RAB3C: variants seen among roughly 807,000 people sequenced by gnomAD.
RAB3C encodes ras-related protein Rab-3C.
A neutral mutation model predicts 26.4 loss-of-function variants in RAB3C; 17 were observed. The ratio of observed to expected loss-of-function variants is 0.64; its 90% CI spans 0.44 to 0.97. The LOEUF is 0.97. Among genes scored for constraint, RAB3C ranks in the 50% least tolerant of loss-of-function variants. The probability of loss-of-function intolerance (pLI) is 0.00; values close to 1 mark genes in which losing one functional copy is unlikely to be tolerated. For synonymous variants in RAB3C, 91 were observed against 95.9 expected (o/e 0.95, Z 0.30); for missense variants, 242 against 281.9 (o/e 0.86, Z 1.01).
chr5:58,743,726 C>T (rs941588474), intron 3 of RAB3C, among the ~76,000 whole-genome samples: 1 of 152,112 alleles, frequency 6.6e-6, no homozygotes, highest in African/African-American at 2.4e-5. Context: ...ATCCATGTCC[C>T]TGCAAAGGAC....
At chr5:58,628,502 A>AAT (rs1449419967) in intron 2 of RAB3C, among the ~76,000 whole-genome samples, 1 of 152,162 alleles carries the variant, frequency 6.6e-6, no homozygotes, top group Non-Finnish European at 1.5e-5. Flanking sequence ...TTGGCCTTTT[A>AAT]GAACACAGCC....
rs199586544 is a variant in RAB3C, at chr5:58,639,388, AC to A, written c.252+21519del. 1.8e-4 allele frequency among the ~76,000 whole-genome samples: 27 copies of A among 152,316 alleles called. No homozygotes were observed. In the East Asian group the frequency reaches 4.6e-3, roughly 26 times the overall value. ...ATACTATAAACAAGTTGCTCAAACA[AC>A]AAAAATTATTTTCTCACAGTTCTGA... On this transcript the variant is annotated intron_variant, in intron 2 of 4. Coordinates refer to ENST00000282878, the MANE Select transcript of RAB3C (RefSeq NM_138453.4).
At position 58,854,747 on chromosome 5, in the gene RAB3C, C is replaced by A. The variant is rs552795739; in HGVS notation, c.*3396C>A. On this transcript the variant is annotated 3_prime_UTR_variant, in exon 5 of 5. Transcript: ENST00000282878. Reference sequence around the variant, plus strand: ...ACTTGGAAAGAAAACTATGACAATGCCTTCAGTTGTAGCAGAAAGTTGTGG... The same window carrying A: ...ACTTGGAAAGAAAACTATGACAATGACTTCAGTTGTAGCAGAAAGTTGTGG... 6.6e-6 allele frequency: 1 copy of A among 152,222 alleles called. No individual in the cohort carries two copies. Among genetic ancestry groups the A allele is most frequent in the African/African-American group, 2.4e-5 (1 of 41,522 alleles). 9.4% of individuals were successfully genotyped at this position (152,222 alleles called of 1,614,324 possible). A position where few individuals can be genotyped will look rare whatever the true frequency, so the allele number is the denominator to read the frequency against.
At chr5:58,813,683 A>G (rs1339435815) in intron 3 of RAB3C, among the ~76,000 whole-genome samples, 1 of 68,928 alleles carries the variant, frequency 1.5e-5, no homozygotes, top group Non-Finnish European at 2.8e-5. Flanking sequence ...CTTTTATCCA[A>G]ATATAAAATA....
intron 4 of RAB3C, among the ~76,000 whole-genome samples, chr5:58,849,294 T>G (rs1744065115): frequency 7.7e-6 from 1 of 129,938 alleles, no homozygotes; most frequent in Non-Finnish European, 1.7e-5. Flanking sequence ...CATTCAGGGA[T>G]CTTGAATTCT....
At chr5:58,596,673 A>C (rs1561259934) in intron 1 of RAB3C, among the ~76,000 whole-genome samples, 2 of 75,692 alleles carry the variant, frequency 2.6e-5, no homozygotes, top group Non-Finnish European at 4.9e-5. Context: ...TATTATATAT[A>C]AATATATAAT....
intron 1 of RAB3C, among the ~76,000 whole-genome samples, chr5:58,597,223 A>T (rs1288143656): frequency 1.8e-4 from 22 of 121,318 alleles, no homozygotes; most frequent in African/African-American, 6.6e-4. Flanking sequence ...AATATTATAT[A>T]ATATATACTA....
chr5:58,808,512 G>A (rs1742996683), intron 3 of RAB3C, among the ~76,000 whole-genome samples: 1 of 152,180 alleles, frequency 6.6e-6, no homozygotes, highest in African/African-American at 2.4e-5. Flanking sequence ...GATCTGCTAA[G>A]TAAACCCATT....
At chr5:58,679,073 GACAC>G (rs1454761195) in intron 2 of RAB3C, among the ~76,000 whole-genome samples, 1 of 152,172 alleles carries the variant, frequency 6.6e-6, no homozygotes, top group African/African-American at 2.4e-5. Context: ...CCAGAACAGA[GACAC>G]AGTGTCAAGT....
At chr5:58,832,928 C>G (rs904865676) in intron 4 of RAB3C, among the ~76,000 whole-genome samples, 1 of 152,076 alleles carries the variant, frequency 6.6e-6, no homozygotes, top group African/African-American at 2.4e-5. Context: ...CATTTTGGAC[C>G]AATTACACTG....
intron 3 of RAB3C, among the ~76,000 whole-genome samples, chr5:58,727,896 G>A (rs986508959): frequency 2.6e-4 from 39 of 152,086 alleles, no homozygotes; most frequent in African/African-American, 8.4e-4. Flanking sequence ...GACATACCAC[G>A]TAATGGTGCC....
chr5:58,776,741 C>T (rs1742151073), intron 3 of RAB3C, among the ~76,000 whole-genome samples: 1 of 152,106 alleles, frequency 6.6e-6, no homozygotes, highest in South Asian at 2.1e-4. Flanking sequence ...ATATCACAGT[C>T]CATTGCAGTC....
chr5:58,693,347 T>TATATATATATATATATATGTATATACAC (rs1173401450), intron 2 of RAB3C, among the ~76,000 whole-genome samples: 4 of 137,852 alleles, frequency 2.9e-5, no homozygotes, highest in African/African-American at 1.2e-4. Flanking sequence ...TATATATATA[T>TATATATATATATATATATGTATATACAC]ATATATATAT....
At chr5:58,643,159 A>G (rs1747445646) in intron 2 of RAB3C, among the ~76,000 whole-genome samples, 1 of 152,222 alleles carries the variant, frequency 6.6e-6, no homozygotes, top group Non-Finnish European at 1.5e-5. Context: ...GATACCTGTC[A>G]TGTTGTAACA....
intron 4 of RAB3C, among the ~76,000 whole-genome samples, chr5:58,842,847 C>G (rs1743904517): frequency 6.6e-6 from 1 of 152,084 alleles, no homozygotes; most frequent in South Asian, 2.1e-4. Context: ...AGATATAGAC[C>G]TCGAGAAGAA....
intron 2 of RAB3C, among the ~76,000 whole-genome samples, chr5:58,671,937 A>T (rs2111825103): frequency 6.6e-6 from 1 of 152,300 alleles, no homozygotes; most frequent in South Asian, 2.1e-4. Context: ...ACATAAGAAA[A>T]GTTCTAGAAA....
intron 2 of RAB3C, among the ~76,000 whole-genome samples, chr5:58,710,602 A>ATATATAAG (rs1234359361): frequency 2.8e-5 from 3 of 105,928 alleles, no homozygotes; most frequent in African/African-American, 1.4e-4. Flanking sequence ...CTGTCTCAAA[A>ATATATAAG]TAAATAAATA....
intron 3 of RAB3C, among the ~76,000 whole-genome samples, chr5:58,821,413 G>A (rs1392333454): frequency 2.6e-5 from 4 of 152,126 alleles, no homozygotes; most frequent in Admixed American, 6.6e-5. Context: ...TTTTGACTTC[G>A]TTTGTAAAAA....
chr5:58,592,209 G>C (rs1013548306), intron 1 of RAB3C, among the ~76,000 whole-genome samples: 1 of 151,874 alleles, frequency 6.6e-6, no homozygotes, highest in African/African-American at 2.4e-5. Flanking sequence ...CTCTATGTTG[G>C]CTTTTCAACT....
Sources: gnomAD v4.1 joint callset for allele counts (sites outside exome capture counted in the v4.1 genomes callset) on GRCh38, gnomAD v4.1.1 for gene constraint, MANE v1.5 for transcripts, NCBI Gene and HGNC (gene_info 2026-07-23, HGNC 2026-07-21) for gene names.